Variants in ABLIM2 observed in about 807,000 individuals in gnomAD.
ABLIM2 encodes actin binding LIM protein family member 2.
ABLIM2 carries 53 observed loss-of-function variants against 97.7 expected under a neutral mutation model. That is an observed-to-expected ratio of 0.54 (90% CI 0.44 to 0.68). The LOEUF is 0.68. Among genes scored for constraint, ABLIM2 ranks in the 30% least tolerant of loss-of-function variants. The probability of loss-of-function intolerance (pLI) is 0.00; values close to 1 mark genes in which losing one functional copy is unlikely to be tolerated. For synonymous variants in ABLIM2, 361 were observed against 345.8 expected (o/e 1.04, Z -0.49); for missense variants, 835 against 867.2 (o/e 0.96, Z 0.47).
intron 16 of ABLIM2, among the ~76,000 whole-genome samples, chr4:7,997,720 C>A (rs544075522): frequency 1.3e-5 from 2 of 152,096 alleles, no homozygotes; most frequent in Non-Finnish European, 2.9e-5. Context: ...GGGGTTGCTG[C>A]GTATTTCCCC....
chr4:7,968,795 G>A (rs1253085072), intron 20 of ABLIM2, among the ~76,000 whole-genome samples: 1 of 152,188 alleles, frequency 6.6e-6, no homozygotes, highest in Non-Finnish European at 1.5e-5. Context: ...GAGTGGGGTT[G>A]GTGGCACAAT....
intron 20 of ABLIM2, among the ~76,000 whole-genome samples, chr4:7,979,331 G>T (rs969340889): frequency 8.5e-5 from 13 of 152,224 alleles, no homozygotes; most frequent in African/African-American, 3.1e-4. Context: ...GCAGTCAAGG[G>T]CTTGCCATGT....
chr4:8,019,676 G>C lies in ABLIM2; in HGVS notation c.1370-5C>G. On this transcript the variant is annotated splice_region_variant and splice_polypyrimidine_tract_variant and intron_variant, in intron 13 of 20. Coordinates refer to ENST00000447017, the MANE Select transcript of ABLIM2 (RefSeq NM_001130083.2). This position sits in a 1 kb window ranked among gnomAD's most constrained non-coding sequence, Gnocchi z 4.3. ...TGTTATCTTTTACGCCAGTGTCTGG[G>C]GAAGAAGAAAGAAAAAAAAGGAGAG... The C allele has an allele frequency of 6.2e-7, 1 of 1,611,274 alleles. No homozygotes were observed. Among genetic ancestry groups the C allele is most frequent in the Non-Finnish European group, 8.5e-7 (1 of 1,178,264 alleles).
chr4:8,033,064 GA>G lies in ABLIM2; in HGVS notation c.1047+3084del, dbSNP rs1781978748. On this transcript the variant is annotated intron_variant, in intron 10 of 20. Transcript: ENST00000447017. This position sits in a 1 kb window ranked among gnomAD's most constrained non-coding sequence, Gnocchi z 4.5. ...CATCACCTCGGTTTTCTCTGGACAA[GA>G]GAGAAAAGGTGCTCAGCAGAGACAG... Among the ~76,000 whole-genome samples the G allele has an allele frequency of 6.6e-6, 1 of 152,210 alleles. No homozygotes were observed. The highest frequency in any genetic ancestry group is 1.5e-5 in the Non-Finnish European group (1 of 68,046).
intron 10 of ABLIM2, among the ~76,000 whole-genome samples, chr4:8,030,110 G>A (rs954375624): frequency 2.0e-5 from 3 of 152,122 alleles, no homozygotes; most frequent in Non-Finnish European, 4.4e-5. Flanking sequence ...CCTCGCCAGC[G>A]CCCAGCTCTT....
intron 14 of ABLIM2, among the ~76,000 whole-genome samples, chr4:8,014,752 C>T (rs907924047): frequency 3.3e-5 from 5 of 152,158 alleles, no homozygotes; most frequent in Admixed American, 6.5e-5. Flanking sequence ...GGGGTTTCTC[C>T]TCTCTTGAGT....
chr4:8,039,440 T>C (rs4072399), intron 9 of ABLIM2, among the ~76,000 whole-genome samples: 43,400 of 151,998 alleles, frequency 0.29, 6,992 homozygotes, highest in East Asian at 0.61. Context: ...GCCCGACCCC[T>C]CAGACAGGTT....
rs1339074675 is a variant in ABLIM2, at chr4:8,158,665, G to C, written c.10+15C>G. The C allele has an allele frequency of 1.4e-5, 21 of 1,503,620 alleles. No homozygotes were observed. In the East Asian group the frequency reaches 4.0e-4, roughly 28 times the overall value. The allele number at this position is 1,503,620 out of a possible 1,614,324, so 93.1% of individuals were successfully genotyped here. On this transcript the variant is annotated intron_variant, in intron 1 of 20. Transcript: ENST00000447017. ...AGCGCGGGGACCCGTTGGTCCCTCG[G>C]TCCCCAGCACCCACCTGCACTCATC...
At chr4:8,154,406 T>C (rs553905552) in intron 1 of ABLIM2, among the ~76,000 whole-genome samples, 2 of 150,088 alleles carry the variant, frequency 1.3e-5, no homozygotes, top group African/African-American at 2.5e-5. Flanking sequence ...CTCAGCCTCC[T>C]GAGTAGTGGG....
At chr4:7,993,919 G>A (rs1338215293) in intron 16 of ABLIM2, 2 of 513,922 alleles carry the variant, frequency 3.9e-6, no homozygotes, top group Non-Finnish European at 7.8e-6. Flanking sequence ...CTTGCTGGGA[G>A]TTTGAGACCT....
intron 8 of ABLIM2, among the ~76,000 whole-genome samples, chr4:8,050,645 T>G (rs1338805746): frequency 6.6e-6 from 1 of 152,208 alleles, no homozygotes; most frequent in Non-Finnish European, 1.5e-5. Flanking sequence ...GCCTGCCTTC[T>G]GCATATTCTC....
intron 16 of ABLIM2, among the ~76,000 whole-genome samples, chr4:7,995,475 G>T (rs559413658): frequency 6.6e-6 from 1 of 152,312 alleles, no homozygotes; most frequent in African/African-American, 2.4e-5. Flanking sequence ...CTCTCTCCGG[G>T]GACCTCACTT....
chr4:8,153,963 C>CTT (rs55681745), intron 1 of ABLIM2, among the ~76,000 whole-genome samples: 86,078 of 131,722 alleles, frequency 0.65, 28,656 homozygotes, highest in Non-Finnish European at 0.7. Context: ...AACTTCTTTT[C>CTT]TTTTTTTTTT....
rs143931568 is a variant in ABLIM2, at chr4:8,113,789, C to T, written c.11-7152G>A. 4.7e-4 allele frequency among the ~76,000 whole-genome samples: 71 copies of T among 152,352 alleles called. No individual in the cohort carries two copies. Among genetic ancestry groups the T allele is most frequent in the African/African-American group, 1.5e-3 (62 of 41,588 alleles). On this transcript the variant is annotated intron_variant, in intron 1 of 20. Transcript: ENST00000447017. The surrounding 1 kb of genome is among the most constrained non-coding windows in gnomAD (Gnocchi z 4.5). ...ATATTCAGTTTTCTAAGCCTACACA[C>T]GCACACATGAACTCCAGAGGTCCCG...
intron 11 of ABLIM2, among the ~76,000 whole-genome samples, chr4:8,028,161 G>A (rs2151147944): frequency 6.6e-6 from 1 of 152,366 alleles, no homozygotes; most frequent in Middle Eastern, 3.4e-3. Flanking sequence ...GTCTCCTGGG[G>A]ATCAAGGACT....
At chr4:7,989,212 G>A (rs1746794304) in intron 17 of ABLIM2, among the ~76,000 whole-genome samples, 1 of 151,402 alleles carries the variant, frequency 6.6e-6, no homozygotes, top group African/African-American at 2.4e-5. Flanking sequence ...TCAAGTAGCT[G>A]GGATATTAGG....
At chr4:7,994,011 C>T in intron 16 of ABLIM2, 1 of 480,350 alleles carries the variant, frequency 2.1e-6, no homozygotes, top group Non-Finnish European at 4.2e-6. Flanking sequence ...GGTGTGGTTG[C>T]ATTCTGGAAA....
rs1173865218 is a variant in ABLIM2, at chr4:8,045,173, A to C, written c.891T>G (p.Arg297=). 1.2e-6 allele frequency: 2 copies of C among 1,613,652 alleles called. No individual in the cohort carries two copies. The highest frequency in any genetic ancestry group is 1.7e-5 in the Admixed American group (1 of 60,008). ...PASSTSGSPS[R]VIYAKLGGEI... is the part of the protein sequence containing the mutation. Reference sequence around the variant, plus strand: ...AAAGGCCCTGACTTACATAAATCACACGGCTCGGAGACCCTGAGGTGCTGG... The same window carrying C: ...AAAGGCCCTGACTTACATAAATCACCCGGCTCGGAGACCCTGAGGTGCTGG... Residue 297 remains arginine (R), a synonymous_variant, in exon 9 of 21, where the codon CGT becomes CGG. Transcript: ENST00000447017.
intron 3 of ABLIM2, among the ~76,000 whole-genome samples, chr4:8,096,814 T>C (rs1831854962): frequency 6.6e-6 from 1 of 152,100 alleles, no homozygotes; most frequent in African/African-American, 2.4e-5. Context: ...GTTGCCGGGA[T>C]GAGGACCCAG....
Sources: allele counts gnomAD v4.1 joint callset (sites outside exome capture counted in the v4.1 genomes callset), GRCh38; gene constraint gnomAD v4.1.1; non-coding constraint Gnocchi (gnomAD v3.1); transcripts MANE v1.5; gene names NCBI Gene and HGNC (gene_info 2026-07-23, HGNC 2026-07-21).